The following WDFY3 variants were observed in gnomAD, a reference collection of about 807,000 sequenced individuals.
The protein encoded by WDFY3 is WD repeat and FYVE domain containing 3, also known as WD repeat and FYVE domain-containing protein 3.
In WDFY3, 66 loss-of-function variants were observed where a neutral mutation model predicts 409.6. The observed-to-expected ratio is 0.16, with a 90% CI of 0.13 to 0.20. The LOEUF (loss-of-function observed/expected upper bound fraction) is 0.20. Among genes scored for constraint, WDFY3 ranks in the 10% least tolerant of loss-of-function variants. WDFY3 has a pLI of 1.00. For missense variants in WDFY3, 3,031 were observed against 4,298.1 expected (o/e 0.71, Z 8.24); for synonymous variants, 1,521 against 1,537.1 (o/e 0.99, Z 0.25).
chr4:84,926,060 A>G (rs1337165724), intron 2 of WDFY3, among the ~76,000 whole-genome samples: 2 of 148,956 alleles, frequency 1.3e-5, no homozygotes, highest in East Asian at 4.2e-4. Context: ...TCTGTCGCCC[A>G]GGCTGGAGTA....
rs966145661 is a variant in WDFY3, at chr4:84,671,776, A to C, written c.*1092T>G. 6.6e-6 allele frequency: 1 copy of C among 152,626 alleles called. No homozygotes were observed. The highest frequency in any genetic ancestry group is 6.5e-5 in the Admixed American group (1 of 15,268). The allele number at this position is 152,626 out of a possible 1,614,324, so 9.5% of individuals were successfully genotyped here. A position where few individuals can be genotyped will look rare whatever the true frequency, so the allele number is the denominator to read the frequency against. ...ATTTTAAGCAGTTCTGACATGATTC[A>C]GTTTTACAACAAAGTTTATATGTTA... On this transcript the variant is annotated 3_prime_UTR_variant, in exon 68 of 68. Transcript: ENST00000295888.
chr4:84,812,062 T>C (rs943846713), intron 13 of WDFY3, among the ~76,000 whole-genome samples: 1 of 152,240 alleles, frequency 6.6e-6, no homozygotes, highest in Non-Finnish European at 1.5e-5. Context: ...ATGCTCAACC[T>C]GTATTAATAT....
At chr4:84,900,536 T>C (rs1181569497) in intron 2 of WDFY3, among the ~76,000 whole-genome samples, 1 of 152,190 alleles carries the variant, frequency 6.6e-6, no homozygotes, top group African/African-American at 2.4e-5. Context: ...TTGTTACATA[T>C]AAAAACTTGG....
At chr4:84,725,073 T>C (rs1460538234) in intron 45 of WDFY3, among the ~76,000 whole-genome samples, 2 of 152,268 alleles carry the variant, frequency 1.3e-5, no homozygotes, top group African/African-American at 2.4e-5. Context: ...TACTTGGAGG[T>C]AGAGACTCAA....
intron 4 of WDFY3, among the ~76,000 whole-genome samples, chr4:84,858,399 A>G (rs758296453): frequency 1.2e-4 from 18 of 152,196 alleles, no homozygotes; most frequent in Non-Finnish European, 1.8e-4. Flanking sequence ...GTGATAGTCT[A>G]TCTACTGAAC....
intron 7 of WDFY3, among the ~76,000 whole-genome samples, chr4:84,833,701 G>C (rs1578734354): frequency 6.6e-6 from 1 of 151,860 alleles, no homozygotes; most frequent in Non-Finnish European, 1.5e-5. Context: ...GAGAAGAGAA[G>C]AGAAGAGAAC....
intron 2 of WDFY3, among the ~76,000 whole-genome samples, chr4:84,930,109 T>C (rs1355456443): frequency 6.6e-6 from 1 of 152,132 alleles, no homozygotes; most frequent in Non-Finnish European, 1.5e-5. Flanking sequence ...ATTCCTGTCA[T>C]TTAAGCCACC....
At chr4:84,677,081 AC>A in intron 67 of WDFY3, 117 bp downstream of exon 67, 2 of 1,179,256 alleles carry the variant, frequency 1.7e-6, no homozygotes, top group Non-Finnish European at 2.3e-6. Context: ...ACTGGTTCAT[AC>A]CAACAAGGCA....
intron 1 of WDFY3, among the ~76,000 whole-genome samples, chr4:84,949,458 G>C (rs1773324866): frequency 6.6e-6 from 1 of 152,098 alleles, no homozygotes; most frequent in South Asian, 2.1e-4. Context: ...CTAGATTATA[G>C]CATATTGAAA....
chr4:84,754,219 C>G (rs184514786), intron 34 of WDFY3, among the ~76,000 whole-genome samples: 354 of 152,136 alleles, frequency 2.3e-3, no homozygotes, highest in Non-Finnish European at 4.2e-3. Context: ...GTTGCCCCAT[C>G]GTGCATCATG....
chr4:84,958,198 C>T (rs747032406), intron 1 of WDFY3, among the ~76,000 whole-genome samples: 71 of 152,136 alleles, frequency 4.7e-4, no homozygotes, highest in Non-Finnish European at 9.6e-4. Context: ...CAGGAATGTG[C>T]ACTCAATCAT....
At chr4:84,833,010 T>A (rs976872207) in intron 7 of WDFY3, among the ~76,000 whole-genome samples, 2 of 151,980 alleles carry the variant, frequency 1.3e-5, no homozygotes, top group African/African-American at 4.8e-5. Context: ...GTATAAATAA[T>A]CTTCATTTCA....
chr4:84,843,464 G>C (rs913417446), intron 5 of WDFY3, among the ~76,000 whole-genome samples: 1 of 151,970 alleles, frequency 6.6e-6, no homozygotes, highest in Non-Finnish European at 1.5e-5. Context: ...GCACGATCAC[G>C]GCTTACTGCA....
chr4:84,843,253 C>T (rs1327415069), intron 5 of WDFY3, among the ~76,000 whole-genome samples: 2 of 152,076 alleles, frequency 1.3e-5, no homozygotes, highest in South Asian at 2.1e-4. Context: ...CAAACTCCAT[C>T]GACAAAACAA....
At chr4:84,732,643 C>A (rs931657790) in intron 44 of WDFY3, among the ~76,000 whole-genome samples, 1 of 152,050 alleles carries the variant, frequency 6.6e-6, no homozygotes, top group Non-Finnish European at 1.5e-5. Context: ...TCCTTCGTAC[C>A]TTGTTTATTT....
chr4:84,712,358 T>A (rs1578213313), intron 51 of WDFY3, among the ~76,000 whole-genome samples: 3 of 110,408 alleles, frequency 2.7e-5, no homozygotes, highest in Non-Finnish European at 3.6e-5. Flanking sequence ...GGAAACTGTC[T>A]CAAAAGAAAA....
rs1332057414 is a variant in WDFY3, at chr4:84,740,266, A to G, written c.6385T>C (p.Leu2129=). The G allele has an allele frequency of 6.2e-7, 1 of 1,614,030 alleles. No homozygotes were observed. Among genetic ancestry groups the G allele is most frequent in the Non-Finnish European group, 8.5e-7 (1 of 1,179,994 alleles). ...SLRVLTVNRN[L]ILGPGNHDQE... ...TCATGGTTCCCAGGTCCCAGGATCA[A>G]GTTTCTGTTTACAGTGAGGACCCTG... Residue 2129 remains leucine, a synonymous_variant, in exon 39 of 68, where the codon TTG becomes CTG. Coordinates refer to ENST00000295888, the MANE Select transcript of WDFY3 (RefSeq NM_014991.6).
At chr4:84,898,050 C>G (rs542704807) in intron 2 of WDFY3, among the ~76,000 whole-genome samples, 1 of 152,222 alleles carries the variant, frequency 6.6e-6, no homozygotes, top group Admixed American at 6.5e-5. Flanking sequence ...ATGAAAGAGC[C>G]TAAGCTGGCA....
At chr4:84,895,699 C>T (rs1765540034) in intron 3 of WDFY3, among the ~76,000 whole-genome samples, 1 of 152,154 alleles carries the variant, frequency 6.6e-6, no homozygotes, top group Non-Finnish European at 1.5e-5. Context: ...CTTAATGATG[C>T]TTTCAGCGAT....
Sources: gnomAD v4.1 joint callset for allele counts (sites outside exome capture counted in the v4.1 genomes callset) on GRCh38, gnomAD v4.1.1 for gene constraint, MANE v1.5 for transcripts, NCBI Gene and HGNC (gene_info 2026-07-23, HGNC 2026-07-21) for gene names.